Variants in TRAPPC9 observed in about 807,000 individuals in gnomAD.
TRAPPC9 encodes IKK2 binding protein.
In TRAPPC9, 83 loss-of-function variants were observed where a neutral mutation model predicts 124.0. The ratio of observed to expected loss-of-function variants is 0.67; its 90% CI spans 0.56 to 0.80. The LOEUF (loss-of-function observed/expected upper bound fraction) is 0.80. Ranked by LOEUF, TRAPPC9 falls within the 30% of genes least tolerant of loss-of-function variation. The pLI is 0.00. For missense variants in TRAPPC9, 1,302 were observed against 1,508.3 expected (o/e 0.86, Z 2.27); for synonymous variants, 638 against 617.5 (o/e 1.03, Z -0.49).
intron 17 of TRAPPC9, among the ~76,000 whole-genome samples, chr8:140,200,076 C>T (rs2062752949): frequency 6.6e-6 from 1 of 152,124 alleles, no homozygotes; most frequent in Non-Finnish European, 1.5e-5. Flanking sequence ...TCAAATAAGT[C>T]AACGAAGAGT....
chr8:140,176,722 T>C (rs1280454898), intron 17 of TRAPPC9, among the ~76,000 whole-genome samples: 2 of 152,230 alleles, frequency 1.3e-5, no homozygotes, highest in Non-Finnish European at 2.9e-5. Flanking sequence ...TGTTTAACAA[T>C]AAATAGCTAA....
chr8:139,729,562 C>A lies in TRAPPC9; in HGVS notation c.*1499G>T, dbSNP rs1357314046. On this transcript the variant is annotated 3_prime_UTR_variant, in exon 23 of 23. Transcript: ENST00000438773. ...ACTGGACACCCGCCCCCACATGCCCCCAGCCCACACCACATCACAGTGTGC... is the reference window on the plus strand; with the variant it reads ...ACTGGACACCCGCCCCCACATGCCCACAGCCCACACCACATCACAGTGTGC... Among the ~76,000 whole-genome samples the A allele has an allele frequency of 2.0e-5, 3 of 152,246 alleles. No individual in the cohort carries two copies. The highest frequency in any genetic ancestry group is 2.9e-5 in the Non-Finnish European group (2 of 68,040).
rs902246306 is a variant in TRAPPC9, at chr8:140,173,830, T to A, written c.2556+47629A>T. 3.3e-5 allele frequency among the ~76,000 whole-genome samples: 5 copies of A among 152,232 alleles called. No homozygotes were observed. In the East Asian group the frequency reaches 9.6e-4, roughly 29 times the overall value. On this transcript the variant is annotated intron_variant, in intron 17 of 22. Transcript: ENST00000438773. ...AGAGACAGCAAAATATGTCCAGTAGTCAGACTAGAACGTGCTTCAGTCTTG... is the reference window on the plus strand; with the variant it reads ...AGAGACAGCAAAATATGTCCAGTAGACAGACTAGAACGTGCTTCAGTCTTG...
chr8:140,294,604 C>T (rs897405580), intron 11 of TRAPPC9, among the ~76,000 whole-genome samples: 1 of 150,944 alleles, frequency 6.6e-6, no homozygotes, highest in East Asian at 1.9e-4. Flanking sequence ...AAAATTTATT[C>T]TTCTTTTTTT....
intron 9 of TRAPPC9, among the ~76,000 whole-genome samples, chr8:140,337,619 C>T (rs1168149314): frequency 1.3e-5 from 2 of 152,172 alleles, no homozygotes; most frequent in Non-Finnish European, 2.9e-5. Flanking sequence ...CCGGCTCTGC[C>T]ATGCAGCACG....
chr8:140,227,432 A>T (rs1318196001), intron 16 of TRAPPC9, among the ~76,000 whole-genome samples: 1 of 152,128 alleles, frequency 6.6e-6, no homozygotes, highest in African/African-American at 2.4e-5. Context: ...ATTTATCAGG[A>T]CAGAGGGTAT....
intron 19 of TRAPPC9, among the ~76,000 whole-genome samples, chr8:139,951,196 C>G (rs1477503755): frequency 6.6e-6 from 1 of 152,244 alleles, no homozygotes; most frequent in African/African-American, 2.4e-5. Context: ...GCTCCTCACA[C>G]AAAGCCCTAC....
chr8:140,092,837 T>C (rs550632284), intron 17 of TRAPPC9, among the ~76,000 whole-genome samples: 6 of 152,224 alleles, frequency 3.9e-5, no homozygotes, highest in Non-Finnish European at 8.8e-5. Context: ...GTTAAGAGAA[T>C]GGAACTCAGA....
intron 16 of TRAPPC9, among the ~76,000 whole-genome samples, chr8:140,237,476 G>C (rs921097290): frequency 6.6e-6 from 1 of 151,820 alleles, no homozygotes; most frequent in African/African-American, 2.4e-5. Flanking sequence ...CTTTTGGGGT[G>C]CTTTGAAAAA....
Position 139,777,527 on chromosome 8 carries a change from G to T in TRAPPC9, c.3056-45325C>A, listed in dbSNP as rs1262686034. Among the ~76,000 whole-genome samples, 7 of 152,338 alleles carry T rather than the reference G, an allele frequency of 4.6e-5. No individual in the cohort carries two copies. In the East Asian group the frequency reaches 9.6e-4, roughly 21 times the overall value. On this transcript the variant is annotated intron_variant, in intron 21 of 22. Transcript: ENST00000438773. ...ACATTTCCTGAATGAGCAAATGAAT[G>T]AAGGAAAGATTTCCTCCTTGACAAT... is the stretch of plus-strand genomic sequence containing the variant.
chr8:140,190,862 G>A (rs184622423), intron 17 of TRAPPC9, among the ~76,000 whole-genome samples: 1 of 152,190 alleles, frequency 6.6e-6, no homozygotes, highest in Admixed American at 6.5e-5. Context: ...GACGAATAGA[G>A]GGTAAAGCAA....
chr8:140,450,001 T>C (rs957147146), intron 2 of TRAPPC9, among the ~76,000 whole-genome samples: 4 of 152,228 alleles, frequency 2.6e-5, no homozygotes, highest in African/African-American at 9.6e-5. Flanking sequence ...TTTTAAAATA[T>C]AGTTTATTTA....
chr8:140,391,961 A>G (rs202098911), intron 7 of TRAPPC9, among the ~76,000 whole-genome samples: 1 of 151,602 alleles, frequency 6.6e-6, no homozygotes, highest in Admixed American at 6.6e-5. Flanking sequence ...AAGAGGCAGA[A>G]GTTGCAGTGA....
intron 17 of TRAPPC9, among the ~76,000 whole-genome samples, chr8:140,082,592 T>C (rs766674639): frequency 1.2e-4 from 18 of 152,228 alleles, no homozygotes; most frequent in Non-Finnish European, 2.4e-4. Flanking sequence ...AATGACTGAA[T>C]TTGAAAATAC....
rs138177204 is a variant in TRAPPC9, at chr8:139,745,864, C to T, written c.3056-13662G>A. Among the ~76,000 whole-genome samples, 561 of 152,394 alleles carry T rather than the reference C, an allele frequency of 3.7e-3. 9 individuals carry two copies. The highest frequency in any genetic ancestry group is 0.012 in the African/African-American group (500 of 41,602). On this transcript the variant is annotated intron_variant, in intron 21 of 22. Transcript: ENST00000438773. ...TCTATAGCACATGGGTAAACTGAGT[C>T]GGTGGGCAGCAGCCCGCCTCCACGT...
At chr8:140,409,278 T>G (rs181800051) in intron 5 of TRAPPC9, among the ~76,000 whole-genome samples, 1 of 152,262 alleles carries the variant, frequency 6.6e-6, no homozygotes, top group East Asian at 1.9e-4. Flanking sequence ...CGTATCTAGT[T>G]GGCAAAAATG....
chr8:139,932,545 C>G (rs947710031), intron 19 of TRAPPC9: 1 of 455,112 alleles, frequency 2.2e-6, no homozygotes, highest in Non-Finnish European at 4.4e-6. Context: ...GGTGGATTGC[C>G]TGAGCTCAGG....
At chr8:140,436,662 G>T (rs1400591123) in intron 3 of TRAPPC9, among the ~76,000 whole-genome samples, 2 of 152,146 alleles carry the variant, frequency 1.3e-5, no homozygotes, top group Non-Finnish European at 2.9e-5. Context: ...TCCTCATCCA[G>T]TCCAGCGCCG....
chr8:140,303,269 T>TA (rs1323761196), intron 10 of TRAPPC9, among the ~76,000 whole-genome samples: 3 of 151,560 alleles, frequency 2.0e-5, no homozygotes, highest in East Asian at 1.9e-4. Flanking sequence ...TGTTAGCTCT[T>TA]AAAAAAAAAT....
Sources: gnomAD v4.1 joint callset for allele counts (sites outside exome capture counted in the v4.1 genomes callset) on GRCh38, gnomAD v4.1.1 for gene constraint, MANE v1.5 for transcripts, NCBI Gene and HGNC (gene_info 2026-07-23, HGNC 2026-07-21) for gene names.